Variants in ITGA5 observed in about 807,000 individuals in gnomAD.
The protein encoded by ITGA5 is integrin alpha-5.
A neutral mutation model predicts 146.3 loss-of-function variants in ITGA5; 55 were observed. The ratio of observed to expected loss-of-function variants is 0.38; its 90% confidence interval spans 0.30 to 0.47. The LOEUF (loss-of-function observed/expected upper bound fraction) is 0.47. Ranked by LOEUF, ITGA5 falls within the 20% of genes least tolerant of loss-of-function variation. ITGA5 has a pLI of 0.99. For synonymous variants in ITGA5, 500 were observed against 531.8 expected, an observed-to-expected ratio of 0.94 and a Z score of 0.82; for missense variants, 1,131 against 1,329.0, an observed-to-expected ratio of 0.85 and a Z score of 2.32.
chr12:54,408,643 T>C, intron 6 of ITGA5, 113 bp downstream of exon 6: 4 of 974,768 alleles, frequency 4.1e-6, no homozygotes, highest in South Asian at 1.5e-5. Context: ...GGAGAATCGC[T>C]TGAACCTGGG....
Position 54,405,645 on chromosome 12 carries a change from C to T in ITGA5, c.1016+19G>A, listed in dbSNP as rs1182305441. 3 of 1,606,312 alleles carry T rather than the reference C, an allele frequency of 1.9e-6. No individual in the cohort carries two copies. In the African/African-American group the frequency reaches 4.0e-5, roughly 21 times the overall value. On this transcript the variant is annotated intron_variant, in intron 11 of 29. Coordinates refer to ENST00000293379, the MANE Select transcript of ITGA5 (RefSeq NM_002205.5). The stretch of plus-strand genomic sequence containing the variant: ...GGTTCTGGGAGGGTATCACAGTGCG[C>T]TCATTTCCCACCACTCACCCGTCCC...
chr12:54,405,113 T>TTC, intron 12 of ITGA5, 53 bp downstream of exon 12: 19 of 1,477,724 alleles, frequency 1.3e-5, no homozygotes, highest in Non-Finnish European at 1.7e-5. Context: ...CCCAAATCCC[T>TTC]TCTGACTTGG....
chr12:54,417,295 G>A (rs1956018348), intron 1 of ITGA5, among the ~76,000 whole-genome samples: 2 of 151,928 alleles, frequency 1.3e-5, no homozygotes, highest in African/African-American at 4.8e-5. Flanking sequence ...GTAAAGAGAA[G>A]GTTAAATGCC....
At position 54,419,043 on chromosome 12, in the gene ITGA5, G is replaced by A; in HGVS notation, c.156C>T (p.Leu52=). ...FNLDAEAPAV[L]SGPPGSFFGF... ...CGAAGAAGGAGCCCGGGGGCCCCGA[G>A]AGTACTGCTGGGGCCTCCGCGTCTA... Residue 52 remains leucine (L), a synonymous_variant, in exon 1 of 30, where the codon CTC becomes CTT. Coordinates refer to ENST00000293379, the MANE Select transcript of ITGA5 (RefSeq NM_002205.5). 1 of 1,594,344 alleles carries A rather than the reference G, an allele frequency of 6.3e-7. No homozygotes were observed. Among genetic ancestry groups the A allele is most frequent in the Non-Finnish European group, 8.5e-7 (1 of 1,172,660 alleles).
At chr12:54,410,347 CTT>C (rs68135389) in intron 2 of ITGA5, among the ~76,000 whole-genome samples, 11 of 132,970 alleles carry the variant, frequency 8.3e-5, no homozygotes, top group Admixed American at 1.5e-4. Flanking sequence ...GTTCCACCTC[CTT>C]TTTTTTTTTT....
chr12:54,406,978 C>A (rs1955873943), intron 9 of ITGA5, among the ~76,000 whole-genome samples: 1 of 152,318 alleles, frequency 6.6e-6, no homozygotes, highest in Admixed American at 6.5e-5. Flanking sequence ...TACTTACTAA[C>A]TGGGTGATCT....
intron 2 of ITGA5, among the ~76,000 whole-genome samples, chr12:54,410,982 C>T (rs751542165): frequency 5.9e-5 from 9 of 152,216 alleles, no homozygotes; most frequent in Non-Finnish European, 1.2e-4. Flanking sequence ...CTGCCTTGGC[C>T]TCCCAAAGTG....
chr12:54,407,655 G>A lies in ITGA5; in HGVS notation c.900C>T (p.Tyr300=), dbSNP rs559129448. 73 of 1,613,104 alleles carry A rather than the reference G, an allele frequency of 4.5e-5. 1 individual carries two copies. The South Asian group carries it at 5.2e-4, about 11-fold the overall frequency. ...VAGVPKGNLT[Y]GYVTILNGSD... ...GGGTCAGGCTGGGTCTTACATAGCC[G>A]TAAGTGAGGTTCCCTTTGGGCACAC... The change falls in exon 9 of 30, where the codon TAC becomes TAT. Residue 300 remains tyrosine, a synonymous_variant. Coordinates refer to ENST00000293379, the MANE Select transcript of ITGA5 (RefSeq NM_002205.5).
chr12:54,402,439 G>A, intron 19 of ITGA5, 109 bp from the exon 20 acceptor site: 3 of 1,014,838 alleles, frequency 3.0e-6, no homozygotes, highest in African/African-American at 1.6e-5. Flanking sequence ...GCTCACACCT[G>A]TAATCCCAGC....
chr12:54,408,553 C>A (rs905648184), intron 6 of ITGA5, among the ~76,000 whole-genome samples: 1 of 151,922 alleles, frequency 6.6e-6, no homozygotes, highest in Non-Finnish European at 1.5e-5. Context: ...TGGTGAAACC[C>A]CTTCTCTACT....
chr12:54,405,272 G>T lies in ITGA5; in HGVS notation c.1119C>A (p.Ala373=). ...TAAGGGTGGGCGTGGGCTCTATGCC[G>T]GCTGGGTGCTGCAGGTAGACGTAGA... The part of the protein sequence containing the change: ...GRVYVYLQHP[A]GIEPTPTLTL... The change falls in exon 12 of 30, where the codon GCC becomes GCA. Residue 373 remains alanine (A), a synonymous_variant. Coordinates refer to ENST00000293379, the MANE Select transcript of ITGA5 (RefSeq NM_002205.5). 1.2e-6 allele frequency: 2 copies of T among 1,613,894 alleles called. No individual in the cohort carries two copies. Among genetic ancestry groups the T allele is most frequent in the Non-Finnish European group, 1.7e-6 (2 of 1,179,924 alleles).
At position 54,403,459 on chromosome 12, in the gene ITGA5, C is replaced by A; in HGVS notation, c.1777-135G>T. ...ATCCTCATTGTTTCAGAGGCCCTGG[C>A]AGCCTGCTTCCCAGCTCCTCTGACA... On this transcript the variant is annotated intron_variant, in intron 17 of 29. Coordinates refer to ENST00000293379, the MANE Select transcript of ITGA5 (RefSeq NM_002205.5). This position sits in a 1 kb window ranked among gnomAD's most constrained non-coding sequence, Gnocchi z 4.9. The A allele has an allele frequency of 2.3e-6, 3 of 1,283,534 alleles. No individual in the cohort carries two copies. The highest frequency in any genetic ancestry group is 1.5e-5 in the South Asian group (1 of 66,132). The allele number at this position is 1,283,534 out of a possible 1,614,324, so 79.5% of individuals were successfully genotyped here.
chr12:54,405,912 A>G lies in ITGA5; in HGVS notation c.921T>C (p.Asn307=), dbSNP rs758646702. The part of the protein sequence containing the change: ...NLTYGYVTIL[N]GSDIRSLYNF... The stretch of plus-strand genomic sequence containing the variant: ...TGTAGAGGGATCGAATGTCTGAGCC[A>G]TTAAGGATGGTGACCTGGGAGATGA... Residue 307 remains asparagine (N), a synonymous_variant, in exon 10 of 30, where the codon AAT becomes AAC. Coordinates refer to ENST00000293379, the MANE Select transcript of ITGA5 (RefSeq NM_002205.5). 1.9e-6 allele frequency: 3 copies of G among 1,613,926 alleles called. No homozygotes were observed. The East Asian group carries it at 6.7e-5, about 36-fold the overall frequency.
chr12:54,418,766 C>T (rs1592296519), intron 1 of ITGA5, among the ~76,000 whole-genome samples: 1 of 152,096 alleles, frequency 6.6e-6, no homozygotes, highest in South Asian at 2.1e-4. Flanking sequence ...TGTCTCCCCA[C>T]TGATCTCAAA....
Position 54,402,310 on chromosome 12 carries a change from A to G in ITGA5, c.2003T>C (p.Leu668Pro), listed in dbSNP as rs1955797332. ...GAGGTTCAGGGCATTCTTGTCACCCAGGTACACATGGTTCTGCTCCCTGGA... is the reference window on the plus strand; with the variant it reads ...GAGGTTCAGGGCATTCTTGTCACCCGGGTACACATGGTTCTGCTCCCTGGA... ...EVFGEQNHVY[L>P]GDKNALNLTF... The change falls in exon 20 of 30, where the codon CTG becomes CCG. Residue 668 changes from leucine to proline, a missense_variant. Transcript: ENST00000293379. 1 of 1,613,788 alleles carries G rather than the reference A, an allele frequency of 6.2e-7. No individual in the cohort carries two copies. The highest frequency in any genetic ancestry group is 8.5e-7 in the Non-Finnish European group (1 of 1,179,876).
At position 54,409,728 on chromosome 12, in the gene ITGA5, T is replaced by A; in HGVS notation, c.350-131A>T. ...GAGACTCCATGACTCGCTGGGAGTG[T>A]GGAATTGGTAAGGAGCTTAATTCTG... On this transcript the variant is annotated intron_variant, in intron 2 of 29. Transcript: ENST00000293379. The surrounding 1 kb of genome is among the most constrained non-coding windows in gnomAD (Gnocchi z 4.7). The A allele has an allele frequency of 1.6e-6, 1 of 618,178 alleles. No homozygotes were observed. Among genetic ancestry groups the A allele is most frequent in the Non-Finnish European group, 2.9e-6 (1 of 350,748 alleles). 38.3% of individuals were successfully genotyped at this position (618,178 alleles called of 1,614,324 possible). A position where few individuals can be genotyped will look rare whatever the true frequency, so the allele number is the denominator to read the frequency against.
chr12:54,404,124 A>C, intron 15 of ITGA5, 21 bp downstream of exon 15: 1 of 1,572,958 alleles, frequency 6.4e-7, no homozygotes, highest in Non-Finnish European at 8.6e-7. Context: ...GGTCTCTGCA[A>C]TTTCCTGGGC....
chr12:54,397,791 T>A (rs899791163), intron 28 of ITGA5, among the ~76,000 whole-genome samples: 4 of 152,214 alleles, frequency 2.6e-5, no homozygotes, highest in Non-Finnish European at 5.9e-5. Context: ...GAGTCTGGGT[T>A]CCAGATCAAC....
intron 29 of ITGA5, among the ~76,000 whole-genome samples, chr12:54,396,998 TGAGA>T (rs768769141): frequency 5.9e-5 from 9 of 152,132 alleles, no homozygotes; most frequent in Admixed American, 1.3e-4. Context: ...GGCTGCCTCT[TGAGA>T]GAGATTCTGA....
Sources: allele counts gnomAD v4.1 joint callset (sites outside exome capture counted in the v4.1 genomes callset), GRCh38; gene constraint gnomAD v4.1.1; non-coding constraint Gnocchi (gnomAD v3.1); transcripts MANE v1.5; gene names NCBI Gene and HGNC (gene_info 2026-07-23, HGNC 2026-07-21).